Variants in OPHN1 observed in about 807,000 individuals in gnomAD.
OPHN1 encodes oligophrenin 1, also known as oligophrenin-1.
In OPHN1, 11 loss-of-function variants were observed where a neutral mutation model predicts 60.7. That is an observed-to-expected ratio of 0.18 (90% confidence interval 0.11 to 0.30). OPHN1 has a LOEUF of 0.30. OPHN1 is among the 10% of genes least tolerant of loss of function. The probability of loss-of-function intolerance (pLI) is 1.00; values close to 1 mark genes in which losing one functional copy is unlikely to be tolerated. For synonymous variants in OPHN1, 226 were observed against 222.6 expected (o/e 1.02, Z -0.14); for missense variants, 449 against 611.0 (o/e 0.73, Z 2.80).
intron 2 of OPHN1, among the ~76,000 whole-genome samples, chrX:68,338,523 T>G (rs189195212): frequency 1.2e-4 from 13 of 111,231 alleles, no homozygotes; most frequent in African/African-American, 3.9e-4. Flanking sequence ...ACAAGACAAA[T>G]TAGAAAATAT....
At chrX:68,049,366 T>C (rs2076843292) in intron 23 of OPHN1, among the ~76,000 whole-genome samples, 1 of 111,990 alleles carries the variant, frequency 8.9e-6, no homozygotes, top group African/African-American at 3.2e-5. Context: ...AACCTGCTTC[T>C]CCATGATTAA....
rs184893616 is a variant in OPHN1 at position 68,189,760 on chromosome X, A to G, written c.1276+3159T>C. ...GCGTGATTGAAAATAACTATTGATT[A>G]TGAATGTATTGCCTTTGACTTTATA... On this transcript the variant is annotated intron_variant, in intron 15 of 24. Transcript: ENST00000355520. Among the ~76,000 whole-genome samples the G allele has an allele frequency of 9.5e-4, 106 of 111,884 alleles. 1 individual carries two copies. In the Admixed American group the frequency reaches 0.01, roughly 11 times the overall value.
rs144351444 is a variant in OPHN1, at chrX:68,254,246, C to T, written c.385-19658G>A. On this transcript the variant is annotated intron_variant, in intron 5 of 24. Coordinates refer to ENST00000355520, the MANE Select transcript of OPHN1 (RefSeq NM_002547.3). ...ATTCCTTGCTCTGCCACTAGCTTCC[C>T]GTAGGACCTAGGAGGTGTCACATTC... Among the ~76,000 whole-genome samples the T allele has an allele frequency of 3.6e-3, 405 of 111,252 alleles. 3 individuals carry two copies. The highest frequency in any genetic ancestry group is 2.8e-3 in the Non-Finnish European group (151 of 53,062).
At chrX:68,137,445 T>G (rs902733337) in intron 15 of OPHN1, among the ~76,000 whole-genome samples, 1 of 111,893 alleles carries the variant, frequency 8.9e-6, no homozygotes, top group African/African-American at 3.2e-5. Context: ...CATTGATGGA[T>G]AAAATATATT....
chrX:68,341,968 G>GTTTTT (rs1173542561), intron 2 of OPHN1, among the ~76,000 whole-genome samples: 2 of 85,006 alleles, frequency 2.4e-5, no homozygotes, highest in Admixed American at 1.3e-4. Context: ...AATTTTTGGT[G>GTTTTT]TTTTTTTTTT....
At chrX:68,238,744 C>A (rs1457913147) in intron 5 of OPHN1, among the ~76,000 whole-genome samples, 1 of 111,252 alleles carries the variant, frequency 9.0e-6, no homozygotes, top group Non-Finnish European at 1.9e-5. Flanking sequence ...TTCTTCGGTG[C>A]CCCTCTGCTC....
chrX:68,153,742 T>G (rs183753822), intron 15 of OPHN1, among the ~76,000 whole-genome samples: 1 of 111,625 alleles, frequency 9.0e-6, no homozygotes, highest in East Asian at 2.8e-4. Context: ...TTTGGCTATA[T>G]GTTCTCACTT....
At chrX:68,173,467 A>C (rs932168782) in intron 15 of OPHN1, among the ~76,000 whole-genome samples, 14 of 111,355 alleles carry the variant, frequency 1.3e-4, no homozygotes, top group African/African-American at 4.3e-4. Flanking sequence ...AGCCACAAGC[A>C]TCTGCCAGTA....
At chrX:68,430,831 A>G (rs1292603079) in intron 2 of OPHN1, among the ~76,000 whole-genome samples, 1 of 110,869 alleles carries the variant, frequency 9.0e-6, no homozygotes, top group African/African-American at 3.3e-5. Flanking sequence ...CTCAAAAACA[A>G]AAATTGAAAA....
At chrX:68,361,156 C>G (rs1292681520) in intron 2 of OPHN1, 1 of 111,316 alleles carries the variant, frequency 9.0e-6, no homozygotes, top group Admixed American at 9.6e-5. Flanking sequence ...ACTCTTTGCC[C>G]CCTTCTCACT....
intron 2 of OPHN1, among the ~76,000 whole-genome samples, chrX:68,385,299 G>C (rs1194043992): frequency 9.0e-6 from 1 of 111,233 alleles, no homozygotes; most frequent in African/African-American, 3.3e-5. Flanking sequence ...ATGCAGAGTT[G>C]ATTTTGCTTG....
At chrX:68,345,543 G>T (rs2078374525) in intron 2 of OPHN1, among the ~76,000 whole-genome samples, 1 of 112,052 alleles carries the variant, frequency 8.9e-6, no homozygotes, top group Non-Finnish European at 1.9e-5. Context: ...GGTAAATTTT[G>T]AATAAAGTCT....
intron 10 of OPHN1, among the ~76,000 whole-genome samples, chrX:68,204,921 C>A (rs914751611): frequency 2.7e-5 from 3 of 111,928 alleles, no homozygotes; most frequent in African/African-American, 9.7e-5. Context: ...ACAAAAGGAG[C>A]TTTCCTCTCC....
chrX:68,060,455 T>A, intron 21 of OPHN1, among the ~76,000 whole-genome samples: 1 of 111,181 alleles, frequency 9.0e-6, no homozygotes, highest in East Asian at 2.8e-4. Context: ...ATCACAATGA[T>A]TAGACGCAAC....
intron 2 of OPHN1, among the ~76,000 whole-genome samples, chrX:68,378,722 T>G (rs1320227185): frequency 8.9e-6 from 1 of 111,752 alleles, no homozygotes; most frequent in Admixed American, 9.6e-5. Context: ...TTGTGAGGTT[T>G]GTCAAAGATC....
intron 5 of OPHN1, among the ~76,000 whole-genome samples, chrX:68,239,411 G>A (rs935736164): frequency 4.5e-5 from 5 of 110,929 alleles, no homozygotes; most frequent in African/African-American, 1.6e-4. Context: ...GGGCCAGGGT[G>A]GTCTTGGAAA....
chrX:68,328,652 A>T (rs1472774649), intron 2 of OPHN1, among the ~76,000 whole-genome samples: 1 of 112,152 alleles, frequency 8.9e-6, no homozygotes, highest in East Asian at 2.8e-4. Flanking sequence ...GAATAGGGGA[A>T]ATTATTTGTA....
intron 2 of OPHN1, among the ~76,000 whole-genome samples, chrX:68,366,969 G>A (rs906497047): frequency 9.0e-6 from 1 of 111,533 alleles, no homozygotes; most frequent in African/African-American, 3.3e-5. Flanking sequence ...GCTACTGTAA[G>A]TTAGGGAGTG....
rs570259405 is a variant in OPHN1, at chrX:68,269,608, C to G, written c.384+5130G>C. On this transcript the variant is annotated intron_variant, in intron 5 of 24. Transcript: ENST00000355520. ...TAATTCAAGATGGATTAAAGACTTA[C>G]ATGTTAGACCTAAAACCATAAAAAC... is the stretch of plus-strand genomic sequence containing the variant. Among the ~76,000 whole-genome samples, 89 of 111,486 alleles carry G rather than the reference C, an allele frequency of 8.0e-4. 2 individuals carry two copies. The highest frequency in any genetic ancestry group is 5.7e-5 in the Non-Finnish European group (3 of 53,018).
Sources: gnomAD v4.1 joint callset for allele counts (sites outside exome capture counted in the v4.1 genomes callset) on GRCh38, gnomAD v4.1.1 for gene constraint, MANE v1.5 for transcripts, NCBI Gene and HGNC (gene_info 2026-07-23, HGNC 2026-07-21) for gene names.